Variants in MACROD2 observed in about 807,000 individuals in gnomAD.
The protein encoded by MACROD2 is mono-ADP ribosylhydrolase 2.
MACROD2 carries 36 observed loss-of-function variants against 70.4 expected under a neutral mutation model. That is an observed-to-expected ratio of 0.51 (90% CI 0.39 to 0.68). The LOEUF is 0.68. Among genes scored for constraint, MACROD2 ranks in the 30% least tolerant of loss-of-function variants. The pLI is 0.00. For missense variants in MACROD2, 496 were observed against 538.4 expected, an observed-to-expected ratio of 0.92 and a Z score of 0.78; for synonymous variants, 172 against 178.8, an observed-to-expected ratio of 0.96 and a Z score of 0.30.
intron 15 of MACROD2, among the ~76,000 whole-genome samples, chr20:15,997,424 G>T (rs2066647796): frequency 6.6e-6 from 1 of 151,918 alleles, no homozygotes; most frequent in Non-Finnish European, 1.5e-5. Context: ...CACTGCCTTG[G>T]TTATATATAT....
intron 7 of MACROD2, among the ~76,000 whole-genome samples, chr20:15,481,702 T>C (rs2047100650): frequency 6.6e-6 from 1 of 151,878 alleles, no homozygotes; most frequent in South Asian, 2.1e-4. Flanking sequence ...AAAAAACTAA[T>C]ATTTACAAGA....
chr20:15,101,660 G>A (rs1298404061), intron 5 of MACROD2, among the ~76,000 whole-genome samples: 1 of 151,586 alleles, frequency 6.6e-6, no homozygotes, highest in Admixed American at 6.6e-5. Context: ...CCCAACTCTG[G>A]ATTTTTAAGC....
At chr20:15,598,192 C>A (rs2048771509) in intron 8 of MACROD2, among the ~76,000 whole-genome samples, 1 of 152,186 alleles carries the variant, frequency 6.6e-6, no homozygotes, top group Non-Finnish European at 1.5e-5. Context: ...AACTTCAAAA[C>A]AAACATGTTT....
chr20:14,806,724 A>G (rs951155330), intron 5 of MACROD2, among the ~76,000 whole-genome samples: 3 of 152,072 alleles, frequency 2.0e-5, no homozygotes, highest in African/African-American at 7.2e-5. Context: ...AATAGTCTGA[A>G]GTTGACCTGG....
chr20:14,003,720 T>A (rs1012623139), intron 2 of MACROD2: 5 of 468,362 alleles, frequency 1.1e-5, no homozygotes, highest in African/African-American at 2.0e-5. Flanking sequence ...CCTTGGCAGC[T>A]GTATTCTGGA....
chr20:15,968,833 A>G (rs2066184782), intron 13 of MACROD2, among the ~76,000 whole-genome samples: 1 of 139,942 alleles, frequency 7.1e-6, no homozygotes, highest in Non-Finnish European at 1.6e-5. Flanking sequence ...ATATATATAT[A>G]TATATACACA....
chr20:15,867,995 G>A (rs1452015920), intron 9 of MACROD2, among the ~76,000 whole-genome samples: 1 of 152,134 alleles, frequency 6.6e-6, no homozygotes, highest in African/African-American at 2.4e-5. Context: ...TTAGAGGCCA[G>A]GGGTGCTGCT....
chr20:15,487,080 G>A (rs1345132263), intron 7 of MACROD2, among the ~76,000 whole-genome samples: 1 of 152,130 alleles, frequency 6.6e-6, no homozygotes, highest in African/African-American at 2.4e-5. Context: ...TTCCATACCA[G>A]CAAACACTTT....
chr20:15,139,587 T>A (rs898564626), intron 5 of MACROD2, among the ~76,000 whole-genome samples: 12 of 152,158 alleles, frequency 7.9e-5, no homozygotes, highest in Admixed American at 5.2e-4. Context: ...GCTCAGAGAA[T>A]TTTGTTTTCA....
At chr20:15,744,717 C>T (rs1051853121) in intron 8 of MACROD2, among the ~76,000 whole-genome samples, 7 of 151,740 alleles carry the variant, frequency 4.6e-5, no homozygotes, top group East Asian at 1.9e-4. Flanking sequence ...CACACACACA[C>T]ACACACACAC....
intron 10 of MACROD2, among the ~76,000 whole-genome samples, chr20:15,890,608 A>C (rs1365266074): frequency 6.6e-6 from 1 of 152,076 alleles, no homozygotes; most frequent in Non-Finnish European, 1.5e-5. Context: ...TCATTGGCAA[A>C]ATTTTTCACC....
chr20:14,477,903 A>G (rs118004872), intron 3 of MACROD2, among the ~76,000 whole-genome samples: 188 of 152,246 alleles, frequency 1.2e-3, no homozygotes, highest in Non-Finnish European at 2.2e-3. Flanking sequence ...GATGCCCCAT[A>G]TTGTAAAGGG....
chr20:15,465,717 A>G (rs1388865137), intron 7 of MACROD2, among the ~76,000 whole-genome samples: 2 of 152,236 alleles, frequency 1.3e-5, no homozygotes, highest in African/African-American at 2.4e-5. Context: ...GGGCTCCACA[A>G]GAGTGACGGT....
In MACROD2 at chr20:14,851,801, A is replaced by G. The variant is rs143183558; in HGVS notation, c.418+166842A>G. Among the ~76,000 whole-genome samples the G allele has an allele frequency of 1.2e-4, 18 of 152,302 alleles. No homozygotes were observed. The East Asian group carries it at 2.5e-3, about 21-fold the overall frequency. ...CCTATTTGAAGAGATAATTATTCCCATTTCACAGAAAACAAAACAGTGTCA... is the reference window on the plus strand; with the variant it reads ...CCTATTTGAAGAGATAATTATTCCCGTTTCACAGAAAACAAAACAGTGTCA... On this transcript the variant is annotated intron_variant, in intron 5 of 17. Transcript: ENST00000684519.
chr20:14,984,714 G>A (rs868783866), intron 5 of MACROD2, among the ~76,000 whole-genome samples: 11 of 152,142 alleles, frequency 7.2e-5, no homozygotes, highest in African/African-American at 2.7e-4. Context: ...GCTGTAATTT[G>A]AGAATAACAC....
chr20:15,670,894 C>T (rs2049970945), intron 8 of MACROD2, among the ~76,000 whole-genome samples: 1 of 152,196 alleles, frequency 6.6e-6, no homozygotes, highest in Non-Finnish European at 1.5e-5. Flanking sequence ...CACATGATCA[C>T]TTTGGCTATT....
chr20:15,744,719 C>T (rs185329821), intron 8 of MACROD2, among the ~76,000 whole-genome samples: 19,852 of 151,832 alleles, frequency 0.13, 1,479 homozygotes, highest in Non-Finnish European at 0.16. Flanking sequence ...CACACACACA[C>T]ACACACACAC....
chr20:14,628,821 A>T (rs1277866658), intron 4 of MACROD2: 1 of 152,144 alleles, frequency 6.6e-6, no homozygotes, highest in Non-Finnish European at 1.5e-5. Flanking sequence ...CATCTTCATC[A>T]TCCTCTCTGT....
chr20:14,739,593 A>C (rs2071709523), intron 5 of MACROD2, among the ~76,000 whole-genome samples: 1 of 152,028 alleles, frequency 6.6e-6, no homozygotes, highest in South Asian at 2.1e-4. Context: ...TATTAATAGA[A>C]AAAAGTGGGA....
Sources: gnomAD v4.1 joint callset for allele counts (sites outside exome capture counted in the v4.1 genomes callset) on GRCh38, gnomAD v4.1.1 for gene constraint, MANE v1.5 for transcripts, NCBI Gene and HGNC (gene_info 2026-07-23, HGNC 2026-07-21) for gene names.